Variants in DIAPH2 observed in about 807,000 individuals in gnomAD.
DIAPH2 encodes diaphanous related formin 2, also known as protein diaphanous homolog 2.
DIAPH2 carries 35 observed loss-of-function variants against 92.7 expected under a neutral mutation model. The ratio of observed to expected loss-of-function variants is 0.38; its 90% confidence interval spans 0.29 to 0.50. The LOEUF (loss-of-function observed/expected upper bound fraction) is 0.50. Ranked by LOEUF, DIAPH2 falls within the 20% of genes least tolerant of loss-of-function variation. The pLI, the probability that DIAPH2 is intolerant of heterozygous loss-of-function variation, is 0.94. For synonymous variants in DIAPH2, 301 were observed against 280.4 expected (o/e 1.07, Z -0.73); for missense variants, 701 against 819.5 (o/e 0.86, Z 1.77).
intron 26 of DIAPH2, among the ~76,000 whole-genome samples, chrX:97,552,133 C>G (rs1445891433): frequency 9.0e-6 from 1 of 111,506 alleles, no homozygotes; most frequent in African/African-American, 3.3e-5. Context: ...CGCATTATCT[C>G]CTAAGTTGTA....
intron 23 of DIAPH2, among the ~76,000 whole-genome samples, chrX:97,316,525 G>A (rs185837953): frequency 8.4e-5 from 9 of 107,219 alleles, no homozygotes; most frequent in East Asian, 2.9e-4. Context: ...GCCTGGTGGC[G>A]CGCACCAGTA....
At chrX:96,827,045 T>C (rs1031442511) in intron 4 of DIAPH2, among the ~76,000 whole-genome samples, 2 of 113,004 alleles carry the variant, frequency 1.8e-5, no homozygotes, top group East Asian at 5.5e-4. Context: ...GAAACACAAT[T>C]ATTTTTAATG....
At chrX:97,509,957 C>T (rs1241929366) in intron 26 of DIAPH2, among the ~76,000 whole-genome samples, 4 of 110,219 alleles carry the variant, frequency 3.6e-5, no homozygotes, top group Admixed American at 1.9e-4. Context: ...TGAATAGTGC[C>T]GCAATAAACA....
At chrX:97,541,025 A>T (rs1340077886) in intron 26 of DIAPH2, among the ~76,000 whole-genome samples, 1 of 111,557 alleles carries the variant, frequency 9.0e-6, no homozygotes, top group African/African-American at 3.3e-5. Flanking sequence ...AAATCTGAGG[A>T]AGTGCTAGCA....
At chrX:96,923,115 C>A (rs749388370) in intron 9 of DIAPH2, among the ~76,000 whole-genome samples, 42 of 111,491 alleles carry the variant, frequency 3.8e-4, no homozygotes, top group African/African-American at 1.3e-3. Flanking sequence ...GTTTATAGAA[C>A]GGGAAAGTAG....
rs35039257 is a variant in DIAPH2 at position 97,302,211 on chromosome X, CA to C, written c.2845-45883del. Among the ~76,000 whole-genome samples the C allele has an allele frequency of 7.1e-4, 19 of 26,694 alleles. No homozygotes were observed. The East Asian group carries it at 0.011, about 15-fold the overall frequency. The allele number at this position is 26,694 out of a possible 115,157, so 23.2% of individuals were successfully genotyped here. ...CTGACGATAGAGCAAGACTCCATCT[CA>C]AAAAAAAAAAAAAAAAAAAAAGTAT... On this transcript the variant is annotated intron_variant, in intron 23 of 26. Transcript: ENST00000324765.
At chrX:97,491,858 A>G (rs1335789061) in intron 26 of DIAPH2, among the ~76,000 whole-genome samples, 2 of 110,594 alleles carry the variant, frequency 1.8e-5, no homozygotes, top group African/African-American at 3.3e-5. Flanking sequence ...TCCTTCTTCT[A>G]TTTCTTTTGT....
rs767480213 is a variant in DIAPH2 at position 96,944,200 on chromosome X, T to G, written c.1445-1327T>G. Among the ~76,000 whole-genome samples the G allele has an allele frequency of 7.2e-5, 8 of 111,742 alleles. No individual in the cohort carries two copies. In the South Asian group the frequency reaches 2.6e-3, roughly 36 times the overall value. On this transcript the variant is annotated intron_variant, in intron 13 of 26. Coordinates refer to ENST00000324765, the MANE Select transcript of DIAPH2 (RefSeq NM_006729.5). ...CTTTCATAAATCAGATCGTATCAGATCTCTGCCTGAAACTCTCTGATGCCT... is the reference window on the plus strand; with the variant it reads ...CTTTCATAAATCAGATCGTATCAGAGCTCTGCCTGAAACTCTCTGATGCCT...
At chrX:97,062,631 T>C (rs1021742824) in intron 17 of DIAPH2, among the ~76,000 whole-genome samples, 22 of 111,702 alleles carry the variant, frequency 2.0e-4, no homozygotes, top group African/African-American at 7.2e-4. Flanking sequence ...ACTTAAAGCT[T>C]ATTTGAATTT....
At chrX:97,483,722 T>C (rs149485774) in intron 26 of DIAPH2, among the ~76,000 whole-genome samples, 4 of 111,819 alleles carry the variant, frequency 3.6e-5, no homozygotes, top group Admixed American at 2.9e-4. Flanking sequence ...AGAAAGCCTG[T>C]TGTTTGGCCT....
chrX:97,530,509 T>C (rs1196132793), intron 26 of DIAPH2, among the ~76,000 whole-genome samples: 1 of 111,559 alleles, frequency 9.0e-6, no homozygotes, highest in East Asian at 2.8e-4. Flanking sequence ...ATTAAGGTGA[T>C]CTACCTCTAC....
intron 23 of DIAPH2, among the ~76,000 whole-genome samples, chrX:97,320,573 C>T (rs922893876): frequency 2.7e-5 from 3 of 110,086 alleles, no homozygotes; most frequent in Non-Finnish European, 5.7e-5. Flanking sequence ...AAATTACCCA[C>T]ACGTGGTGGC....
chrX:96,816,890 G>T (rs753816381), intron 4 of DIAPH2, among the ~76,000 whole-genome samples: 271 of 112,247 alleles, frequency 2.4e-3, no homozygotes, highest in Non-Finnish European at 4.4e-3. Flanking sequence ...GTACTATTCA[G>T]CCATAAAAAG....
chrX:97,427,029 T>C (rs1350396998), intron 25 of DIAPH2, among the ~76,000 whole-genome samples: 1 of 108,073 alleles, frequency 9.3e-6, no homozygotes, highest in Non-Finnish European at 1.9e-5. Flanking sequence ...AATACAAAAA[T>C]TAGCCGGGCA....
At chrX:96,946,589 ATGTT>A (rs1444742940) in intron 14 of DIAPH2, among the ~76,000 whole-genome samples, 2 of 112,081 alleles carry the variant, frequency 1.8e-5, no homozygotes, top group Non-Finnish European at 3.8e-5. Flanking sequence ...TGAGCATAAA[ATGTT>A]TGTGTGGAGC....
intron 26 of DIAPH2, among the ~76,000 whole-genome samples, chrX:97,544,408 T>A (rs1040295296): frequency 8.9e-6 from 1 of 112,169 alleles, no homozygotes; most frequent in Non-Finnish European, 1.9e-5. Flanking sequence ...ATCAACAAAA[T>A]GAAACTTATA....
At chrX:96,817,810 C>T (rs767843688) in intron 4 of DIAPH2, among the ~76,000 whole-genome samples, 102 of 108,349 alleles carry the variant, frequency 9.4e-4, no homozygotes, top group African/African-American at 3.2e-3. Context: ...CTCAAAGTTC[C>T]CCCCAATCAC....
chrX:96,699,835 CT>C (rs2063844939), intron 1 of DIAPH2, among the ~76,000 whole-genome samples: 1 of 111,688 alleles, frequency 9.0e-6, no homozygotes, highest in South Asian at 3.8e-4. Flanking sequence ...CTGTTGTGAA[CT>C]TTTTAGTTGT....
intron 4 of DIAPH2, among the ~76,000 whole-genome samples, chrX:96,864,808 T>C (rs1486306834): frequency 8.9e-6 from 1 of 112,017 alleles, no homozygotes; most frequent in Non-Finnish European, 1.9e-5. Context: ...GACACTGAAG[T>C]AGAAATCAGA....
Sources: allele counts gnomAD v4.1 joint callset (sites outside exome capture counted in the v4.1 genomes callset), GRCh38; gene constraint gnomAD v4.1.1; transcripts MANE v1.5; gene names NCBI Gene and HGNC (gene_info 2026-07-23, HGNC 2026-07-21).